The following SDK1 variants were observed in gnomAD, a reference collection of about 807,000 sequenced individuals.
SDK1 encodes the protein protein sidekick-1.
SDK1 carries 157 observed loss-of-function variants against 245.5 expected under a neutral mutation model. That is an observed-to-expected ratio of 0.64 (90% CI 0.56 to 0.73). The LOEUF is 0.73. Among genes scored for constraint, SDK1 ranks in the 30% least tolerant of loss-of-function variants. SDK1 has a pLI of 0.00. For missense variants in SDK1, 3,583 were observed against 3,002.3 expected (o/e 1.19, Z -4.52); for synonymous variants, 1,647 against 1,278.5 (o/e 1.29, Z -6.15).
chr7:3,727,482 G>A (rs1267624150), intron 4 of SDK1, among the ~76,000 whole-genome samples: 2 of 151,998 alleles, frequency 1.3e-5, no homozygotes, highest in Non-Finnish European at 1.5e-5. Flanking sequence ...TCCTCTTTTT[G>A]CCAGGGAGAG....
intron 4 of SDK1, among the ~76,000 whole-genome samples, chr7:3,808,051 G>C (rs187520230): frequency 1.3e-5 from 2 of 152,178 alleles, no homozygotes; most frequent in Non-Finnish European, 2.9e-5. Flanking sequence ...AAGTGTCAGA[G>C]AAGGGACTCC....
chr7:4,223,214 A>G (rs1248914219), intron 40 of SDK1, among the ~76,000 whole-genome samples: 2 of 152,248 alleles, frequency 1.3e-5, no homozygotes, highest in South Asian at 2.1e-4. Context: ...GCGTTCACAA[A>G]TAGAATTCAG....
At chr7:3,348,641 T>G (rs954691859) in intron 1 of SDK1, among the ~76,000 whole-genome samples, 13 of 152,270 alleles carry the variant, frequency 8.5e-5, no homozygotes, top group African/African-American at 3.1e-4. Flanking sequence ...ACCCCAAACC[T>G]CAGCATCATT....
At chr7:3,313,941 G>A (rs1190415121) in intron 1 of SDK1, among the ~76,000 whole-genome samples, 2 of 152,142 alleles carry the variant, frequency 1.3e-5, no homozygotes, top group Non-Finnish European at 2.9e-5. Flanking sequence ...TTTTAAAAAT[G>A]TATGTGAGCA....
At chr7:3,560,692 A>T (rs1779722354) in intron 1 of SDK1, among the ~76,000 whole-genome samples, 1 of 152,032 alleles carries the variant, frequency 6.6e-6, no homozygotes. Context: ...TCCAGTGGCC[A>T]CCCATTTAAA....
At chr7:3,817,866 G>A (rs1779548491) in intron 4 of SDK1, among the ~76,000 whole-genome samples, 2 of 152,204 alleles carry the variant, frequency 1.3e-5, no homozygotes, top group South Asian at 2.1e-4. Flanking sequence ...AGCACTTAGC[G>A]AGTGCTCACT....
intron 19 of SDK1, among the ~76,000 whole-genome samples, chr7:4,063,644 A>G (rs547457231): frequency 1.1e-4 from 17 of 151,848 alleles, no homozygotes; most frequent in African/African-American, 4.1e-4. Flanking sequence ...GAACCCAAAA[A>G]GAGCCCAAAT....
At chr7:3,431,380 T>A (rs1779842696) in intron 1 of SDK1, among the ~76,000 whole-genome samples, 1 of 150,940 alleles carries the variant, frequency 6.6e-6, no homozygotes, top group African/African-American at 2.5e-5. Flanking sequence ...TTTTTTTTTT[T>A]TAAAGCAAAT....
chr7:3,772,396 C>G (rs1340966435), intron 4 of SDK1, among the ~76,000 whole-genome samples: 6 of 152,070 alleles, frequency 3.9e-5, no homozygotes, highest in African/African-American at 1.2e-4. Context: ...TCTTCATTCC[C>G]ACTGTTTTCA....
At chr7:3,698,134 A>G (rs570130428) in intron 4 of SDK1, among the ~76,000 whole-genome samples, 1 of 152,284 alleles carries the variant, frequency 6.6e-6, no homozygotes, top group South Asian at 2.1e-4. Flanking sequence ...AAGGACCACA[A>G]AGGAGGCAGC....
At chr7:3,809,611 C>T (rs1779335033) in intron 4 of SDK1, among the ~76,000 whole-genome samples, 1 of 152,212 alleles carries the variant, frequency 6.6e-6, no homozygotes, top group African/African-American at 2.4e-5. Flanking sequence ...TGATGGAAAG[C>T]ATTTCAAAAA....
At chr7:3,378,229 G>C (rs1257928481) in intron 1 of SDK1, among the ~76,000 whole-genome samples, 1 of 152,114 alleles carries the variant, frequency 6.6e-6, no homozygotes. Flanking sequence ...GTCCCTCATA[G>C]TTTTGGTCTC....
At chr7:3,594,524 C>T (rs958296290) in intron 1 of SDK1, among the ~76,000 whole-genome samples, 7 of 152,074 alleles carry the variant, frequency 4.6e-5, no homozygotes, top group Admixed American at 1.3e-4. Context: ...TTTGAGAGAC[C>T]GCCAAACCAT....
At chr7:3,644,880 A>G (rs1782779287) in intron 4 of SDK1, among the ~76,000 whole-genome samples, 1 of 151,792 alleles carries the variant, frequency 6.6e-6, no homozygotes, top group Non-Finnish European at 1.5e-5. Flanking sequence ...TGCTGACCAC[A>G]GTATGACCAG....
In SDK1 at chr7:4,026,119, C is replaced by T. The variant is rs1273768254; in HGVS notation, c.2602+8767C>T. Among the ~76,000 whole-genome samples the T allele has an allele frequency of 1.3e-5, 2 of 152,248 alleles. No homozygotes were observed. The highest frequency in any genetic ancestry group is 4.8e-5 in the African/African-American group (2 of 41,464). ...GGCCGCAGCGCTGGTCTTCCACAGTCCCCATGCTGTATGGAAAAGGCCCCT... is the reference window on the plus strand; with the variant it reads ...GGCCGCAGCGCTGGTCTTCCACAGTTCCCATGCTGTATGGAAAAGGCCCCT... On this transcript the variant is annotated intron_variant, in intron 17 of 44. Transcript: ENST00000404826. The surrounding 1 kb of genome is among the most constrained non-coding windows in gnomAD (Gnocchi z 4.1).
intron 41 of SDK1, among the ~76,000 whole-genome samples, chr7:4,237,191 T>C (rs1423009119): frequency 6.6e-6 from 1 of 152,114 alleles, no homozygotes; most frequent in Non-Finnish European, 1.5e-5. Context: ...TGTGCCTGGC[T>C]GTTTTTTTGT....
intron 4 of SDK1, among the ~76,000 whole-genome samples, chr7:3,683,874 C>A (rs1392153983): frequency 1.3e-5 from 2 of 152,212 alleles, no homozygotes; most frequent in Non-Finnish European, 2.9e-5. Context: ...TTCCTCCAGG[C>A]ATAGGGCTGG....
chr7:3,570,410 C>G (rs921864118), intron 1 of SDK1, among the ~76,000 whole-genome samples: 6 of 152,106 alleles, frequency 3.9e-5, no homozygotes, highest in African/African-American at 9.7e-5. Flanking sequence ...GCTTGCTTGC[C>G]CACTGCTCAC....
At chr7:3,571,736 A>G (rs1780122974) in intron 1 of SDK1, among the ~76,000 whole-genome samples, 1 of 152,152 alleles carries the variant, frequency 6.6e-6, no homozygotes, top group African/African-American at 2.4e-5. Flanking sequence ...CTCAATGAAT[A>G]TAACATTCTT....
Sources: gnomAD v4.1 joint callset for allele counts (sites outside exome capture counted in the v4.1 genomes callset) on GRCh38, gnomAD v4.1.1 for gene constraint, Gnocchi (gnomAD v3.1) non-coding constraint, MANE v1.5 for transcripts, NCBI Gene and HGNC (gene_info 2026-07-23, HGNC 2026-07-21) for gene names.